The following LARGE1 variants were observed in gnomAD, a reference collection of about 807,000 sequenced individuals.
LARGE1 encodes the protein LARGE xylosyl- and glucuronyltransferase 1.
Under a neutral mutation model 87.6 loss-of-function variants are expected in LARGE1, and 43 were observed. The observed-to-expected ratio is 0.49, with a 90% CI of 0.38 to 0.63. The LOEUF (loss-of-function observed/expected upper bound fraction) is 0.63. LARGE1 is among the 30% of genes least tolerant of loss of function. The pLI, the probability that LARGE1 is intolerant of heterozygous loss-of-function variation, is 0.00. For synonymous variants in LARGE1, 434 were observed against 394.6 expected (o/e 1.10, Z -1.18); for missense variants, 802 against 1,000.2 (o/e 0.80, Z 2.67).
intron 6 of LARGE1, among the ~76,000 whole-genome samples, chr22:33,470,818 G>C (rs2068799343): frequency 6.6e-6 from 1 of 152,190 alleles, no homozygotes; most frequent in African/African-American, 2.4e-5. Context: ...AAAAGGCAGT[G>C]TAGTCTCATA....
intron 1 of LARGE1, among the ~76,000 whole-genome samples, chr22:33,769,939 T>C (rs936175253): frequency 6.6e-6 from 1 of 152,204 alleles, no homozygotes; most frequent in African/African-American, 2.4e-5. Flanking sequence ...TCTCATTCTT[T>C]TTTTTAGGCC....
At chr22:33,897,011 G>GC (rs1037869879) in intron 1 of LARGE1, among the ~76,000 whole-genome samples, 2 of 152,066 alleles carry the variant, frequency 1.3e-5, no homozygotes, top group African/African-American at 4.8e-5. Context: ...TCTGGTTATC[G>GC]CCCCTGTCTC....
At chr22:33,307,387 T>C (rs1569037025) in intron 11 of LARGE1, among the ~76,000 whole-genome samples, 1 of 152,182 alleles carries the variant, frequency 6.6e-6, no homozygotes, top group Non-Finnish European at 1.5e-5. Context: ...TACTATGGAT[T>C]GGGGTTAGGC....
At chr22:33,772,518 T>C (rs2085102467) in intron 1 of LARGE1, among the ~76,000 whole-genome samples, 2 of 151,910 alleles carry the variant, frequency 1.3e-5, no homozygotes, top group African/African-American at 4.8e-5. Context: ...GCAAGTGTGC[T>C]CCCTGTGCCT....
At chr22:33,408,675 G>C (rs948840175) in intron 7 of LARGE1, among the ~76,000 whole-genome samples, 1 of 150,362 alleles carries the variant, frequency 6.7e-6, no homozygotes, top group African/African-American at 2.4e-5. Context: ...TGATTTTCAT[G>C]TGCCACAAAA....
At position 33,550,176 on chromosome 22, in the gene LARGE1, C is replaced by CACACACACAT. The variant is rs1555954073; in HGVS notation, c.787+14671_787+14672insATGTGTGTGT. Among the ~76,000 whole-genome samples the CACACACACAT allele has an allele frequency of 1.6e-4, 19 of 120,488 alleles. 2 individuals carry two copies. The highest frequency in any genetic ancestry group is 1.4e-3 in the Admixed American group (18 of 12,530). The allele number at this position is 120,488 out of a possible 152,430, so 79.0% of individuals were successfully genotyped here. ...ACACACACACACACACACACACACA[C>CACACACACAT]ATATATATATATGTATGTATGTATA... On this transcript the variant is annotated intron_variant, in intron 6 of 14. Coordinates refer to ENST00000397394, the MANE Select transcript of LARGE1 (RefSeq NM_133642.5).
At chr22:33,909,323 T>C (rs1410659009) in intron 1 of LARGE1, among the ~76,000 whole-genome samples, 1 of 152,110 alleles carries the variant, frequency 6.6e-6, no homozygotes, top group Non-Finnish European at 1.5e-5. Flanking sequence ...CTGGCGGCCC[T>C]TAGAACTTCA....
chr22:33,725,992 T>C (rs1262824581), intron 2 of LARGE1: 5 of 151,932 alleles, frequency 3.3e-5, no homozygotes, highest in African/African-American at 4.8e-5. Context: ...AGCTGCAAAA[T>C]GTCATACAGT....
chr22:33,660,488 C>T (rs891741487), intron 2 of LARGE1, among the ~76,000 whole-genome samples: 2 of 152,188 alleles, frequency 1.3e-5, no homozygotes, highest in African/African-American at 2.4e-5. Flanking sequence ...AATTCACATT[C>T]CAGTCATCTT....
intron 2 of LARGE1, 35 bp downstream of exon 2, chr22:33,761,336 C>G: frequency 1.3e-6 from 2 of 1,491,238 alleles, no homozygotes; most frequent in Non-Finnish European, 1.9e-6. Flanking sequence ...TCCCTTTCTT[C>G]CCTCCTTCCC....
intron 11 of LARGE1, among the ~76,000 whole-genome samples, chr22:33,266,396 G>T (rs9609754): frequency 6.6e-6 from 1 of 150,874 alleles, no homozygotes; most frequent in African/African-American, 2.5e-5. Context: ...TAATTTTTTC[G>T]TATTTTTAGT....
intron 6 of LARGE1, among the ~76,000 whole-genome samples, chr22:33,474,565 T>C (rs1304122084): frequency 1.3e-5 from 2 of 152,216 alleles, no homozygotes; most frequent in Non-Finnish European, 2.9e-5. Context: ...GCTTTGCATA[T>C]TGACACTGCC....
At chr22:33,209,849 AT>A (rs1383445848) in intron 11 of LARGE1, among the ~76,000 whole-genome samples, 1 of 151,674 alleles carries the variant, frequency 6.6e-6, no homozygotes, top group African/African-American at 2.4e-5. Context: ...GGGTCTGGCT[AT>A]TTTTTCCGGG....
chr22:33,626,909 A>T lies in LARGE1; in HGVS notation c.409-583T>A, dbSNP rs187573839. On this transcript the variant is annotated intron_variant, in intron 3 of 14. Transcript: ENST00000397394. Reference sequence around the variant, plus strand: ...GTAGCCAGGAGCATGGGCCTCAGACATGAATCCCTGAACTCAGGGTGACCC... The same window carrying T: ...GTAGCCAGGAGCATGGGCCTCAGACTTGAATCCCTGAACTCAGGGTGACCC... Among the ~76,000 whole-genome samples, 248 of 152,348 alleles carry T rather than the reference A, an allele frequency of 1.6e-3. 1 individual carries two copies. Among genetic ancestry groups the T allele is most frequent in the Admixed American group, 3.6e-3 (55 of 15,310 alleles).
chr22:33,641,752 T>A (rs117963922), intron 3 of LARGE1, among the ~76,000 whole-genome samples: 1 of 152,028 alleles, frequency 6.6e-6, no homozygotes, highest in Non-Finnish European at 1.5e-5. Context: ...CAAGTATCGA[T>A]AGCCGAATCA....
intron 6 of LARGE1, among the ~76,000 whole-genome samples, chr22:33,510,346 A>AGGAACT (rs1413745505): frequency 6.6e-6 from 1 of 152,224 alleles, no homozygotes; most frequent in Non-Finnish European, 1.5e-5. Flanking sequence ...TATATGAGTT[A>AGGAACT]GGAACTTTAC....
intron 6 of LARGE1, among the ~76,000 whole-genome samples, chr22:33,464,839 C>A (rs4821147): frequency 0.24 from 36,507 of 151,018 alleles, 4,757 homozygotes; most frequent in African/African-American, 0.34. Flanking sequence ...ATGCACACAC[C>A]CACGCACACA....
intron 9 of LARGE1, among the ~76,000 whole-genome samples, chr22:33,342,257 G>A (rs888090439): frequency 6.6e-6 from 1 of 152,178 alleles, no homozygotes; most frequent in African/African-American, 2.4e-5. Flanking sequence ...GATGGATGTG[G>A]ATCTGACTGA....
At chr22:33,637,290 T>C (rs954338551) in intron 3 of LARGE1, among the ~76,000 whole-genome samples, 3 of 152,180 alleles carry the variant, frequency 2.0e-5, no homozygotes, top group African/African-American at 7.2e-5. Flanking sequence ...GTTGCATCTT[T>C]ATTTGTTGTT....
Sources: allele counts gnomAD v4.1 joint callset (sites outside exome capture counted in the v4.1 genomes callset), GRCh38; gene constraint gnomAD v4.1.1; transcripts MANE v1.5; gene names NCBI Gene and HGNC (gene_info 2026-07-23, HGNC 2026-07-21).